Variants in SEC61A2 observed in about 807,000 individuals in gnomAD.
SEC61A2 encodes protein transport protein Sec61 subunit alpha isoform 2.
SEC61A2 carries 28 observed loss-of-function variants against 59.9 expected under a neutral mutation model. That is an observed-to-expected ratio of 0.47 (90% CI 0.35 to 0.64). The LOEUF (loss-of-function observed/expected upper bound fraction) is 0.64, where lower values mean the gene tolerates loss of function less well. Among genes scored for constraint, SEC61A2 ranks in the 30% least tolerant of loss-of-function variants. The probability of loss-of-function intolerance (pLI) is 0.01; values close to 1 mark genes in which losing one functional copy is unlikely to be tolerated. For missense variants in SEC61A2, 340 were observed against 585.9 expected (o/e 0.58, Z 4.33); for synonymous variants, 202 against 214.4 (o/e 0.94, Z 0.50).
At chr10:12,141,909 A>G (rs1191923726) in intron 3 of SEC61A2, among the ~76,000 whole-genome samples, 2 of 152,168 alleles carry the variant, frequency 1.3e-5, no homozygotes, top group Admixed American at 1.3e-4. Flanking sequence ...AAACCAATGA[A>G]TGAGGGAGAC....
chr10:12,166,940 A>AT, downstream of SEC61A2: 1 of 266,254 alleles, frequency 3.8e-6, no homozygotes, highest in South Asian at 3.7e-5. Flanking sequence ...TAACATCAAG[A>AT]TATTACTGCC....
intron 9 of SEC61A2, among the ~76,000 whole-genome samples, chr10:12,159,937 A>G (rs993384718): frequency 6.6e-6 from 1 of 152,204 alleles, no homozygotes; most frequent in Non-Finnish European, 1.5e-5. Context: ...ACAGTAACTC[A>G]TATATTAGTT....
rs1285757190 is a variant in SEC61A2, at chr10:12,140,827, C to T, written c.142-2290C>T. On this transcript the variant is annotated intron_variant, in intron 3 of 11. Transcript: ENST00000298428. ...GTGTTAATCAGGATGATCTCGATTT[C>T]CTGACCTCATGATCCACCCATCTCG... is the stretch of plus-strand genomic sequence containing the variant. Among the ~76,000 whole-genome samples, 3 of 151,988 alleles carry T rather than the reference C, an allele frequency of 2.0e-5. No individual in the cohort carries two copies. In the East Asian group the frequency reaches 5.8e-4, roughly 29 times the overall value.
chr10:12,129,823 C>T lies in SEC61A2; in HGVS notation c.7+29C>T, dbSNP rs149530452. On this transcript the variant is annotated intron_variant, in intron 1 of 11. Transcript: ENST00000298428. This position sits in a 1 kb window ranked among gnomAD's most constrained non-coding sequence, Gnocchi z 5.6. ...AGTAGCGGCGGCTGGAGCGGGGACTCTGGCTGGGAACGCAGGCCCCGCCTG... is the reference window on the plus strand; with the variant it reads ...AGTAGCGGCGGCTGGAGCGGGGACTTTGGCTGGGAACGCAGGCCCCGCCTG... 2.2e-6 allele frequency: 3 copies of T among 1,390,334 alleles called. No homozygotes were observed. The highest frequency in any genetic ancestry group is 3.1e-5 in the South Asian group (2 of 64,968). 86.1% of individuals were successfully genotyped at this position (1,390,334 alleles called of 1,614,324 possible).
chr10:12,160,175 TTG>T lies in SEC61A2; in HGVS notation c.976-751_976-750del, dbSNP rs1834495275. On this transcript the variant is annotated intron_variant, in intron 9 of 11. Coordinates refer to ENST00000298428, the MANE Select transcript of SEC61A2 (RefSeq NM_018144.4). The surrounding 1 kb of genome is among the most constrained non-coding windows in gnomAD (Gnocchi z 4.1). ...CTTTGAGTAGTTGGTCCTGTACAAT[TTG>T]TGTTATGATTTTGAGTAAGATTCTT... Among the ~76,000 whole-genome samples, 1 of 152,162 alleles carries T rather than the reference TTG, an allele frequency of 6.6e-6. No individual in the cohort carries two copies. Among genetic ancestry groups the T allele is most frequent in the South Asian group, 2.1e-4 (1 of 4,836 alleles).
intron 6 of SEC61A2, among the ~76,000 whole-genome samples, 183 bp downstream of exon 6, chr10:12,150,144 GT>G (rs1394026936): frequency 1.1e-4 from 17 of 152,286 alleles, no homozygotes; most frequent in Non-Finnish European, 2.5e-4. Flanking sequence ...ACCGTGACGT[GT>G]TCAAGTTGTG....
chr10:12,153,836 C>T lies in SEC61A2; in HGVS notation c.463-1942C>T, dbSNP rs900131440. 34 of 1,576,076 alleles carry T rather than the reference C, an allele frequency of 2.2e-5. No homozygotes were observed. The highest frequency in any genetic ancestry group is 2.8e-5 in the Non-Finnish European group (33 of 1,160,636). On this transcript the variant is annotated intron_variant, in intron 6 of 11. Coordinates refer to ENST00000298428, the MANE Select transcript of SEC61A2 (RefSeq NM_018144.4). This position sits in a 1 kb window ranked among gnomAD's most constrained non-coding sequence, Gnocchi z 5.2. ...TAGGTTTTGAAAACTGTTTGCATGC[C>T]GTTGTGGAAGGTATTTCTCACCTTA... is the stretch of plus-strand genomic sequence containing the variant.
At chr10:12,148,356 C>T (rs999017973) in intron 4 of SEC61A2, among the ~76,000 whole-genome samples, 2 of 151,278 alleles carry the variant, frequency 1.3e-5, no homozygotes, top group African/African-American at 4.9e-5. Context: ...AGCAATTCAC[C>T]TGCCTCAGCC....
At chr10:12,135,634 A>C (rs1030316944) in intron 2 of SEC61A2, among the ~76,000 whole-genome samples, 2 of 151,712 alleles carry the variant, frequency 1.3e-5, no homozygotes, top group Non-Finnish European at 2.9e-5. Context: ...CCCTTCGGAG[A>C]CTCCACTTCT....
chr10:12,145,397 A>G lies in SEC61A2; in HGVS notation c.220+2202A>G, dbSNP rs1834115750. ...AATTTTTGATAGAGAAAGCTAAATT[A>G]TCTTCCAAAACAGTTGTTTGATTTT... On this transcript the variant is annotated intron_variant, in intron 4 of 11. Coordinates refer to ENST00000298428, the MANE Select transcript of SEC61A2 (RefSeq NM_018144.4). The surrounding 1 kb of genome is among the most constrained non-coding windows in gnomAD (Gnocchi z 4.4). Among the ~76,000 whole-genome samples the G allele has an allele frequency of 6.6e-6, 1 of 152,248 alleles. No homozygotes were observed. Among genetic ancestry groups the G allele is most frequent in the African/African-American group, 2.4e-5 (1 of 41,468 alleles).
chr10:12,156,977 T>C lies in SEC61A2; in HGVS notation c.687T>C (p.Ala229=). ...CCACCAGGACGGACAAAGTCCGAGC[T>C]TTACGGGAGGCTTTTTATCGGCAGA... is the stretch of plus-strand genomic sequence containing the variant. The part of the protein sequence containing the change: ...LLATRTDKVR[A]LREAFYRQNL... Residue 229 remains alanine (A), a synonymous_variant, in exon 8 of 12, where the codon GCT becomes GCC. Transcript: ENST00000298428. The surrounding 1 kb of genome is among the most constrained non-coding windows in gnomAD (Gnocchi z 5.2). 1 of 1,614,082 alleles carries C rather than the reference T, an allele frequency of 6.2e-7. No homozygotes were observed. Among genetic ancestry groups the C allele is most frequent in the Non-Finnish European group, 8.5e-7 (1 of 1,179,932 alleles).
At chr10:12,139,702 T>C (rs1049266633) in intron 3 of SEC61A2, among the ~76,000 whole-genome samples, 1 of 152,266 alleles carries the variant, frequency 6.6e-6, no homozygotes, top group Non-Finnish European at 1.5e-5. Context: ...GAGAATGGCA[T>C]GAACCCAGGA....
chr10:12,153,519 A>G lies in SEC61A2; in HGVS notation c.463-2259A>G, dbSNP rs533559184. Among the ~76,000 whole-genome samples, 13 of 152,346 alleles carry G rather than the reference A, an allele frequency of 8.5e-5. No individual in the cohort carries two copies. The highest frequency in any genetic ancestry group is 3.1e-4 in the African/African-American group (13 of 41,576). On this transcript the variant is annotated intron_variant, in intron 6 of 11. Coordinates refer to ENST00000298428, the MANE Select transcript of SEC61A2 (RefSeq NM_018144.4). This position sits in a 1 kb window ranked among gnomAD's most constrained non-coding sequence, Gnocchi z 5.2. Reference sequence around the variant, plus strand: ...AGTTATGGATTGAAATTGATATAAAATAGAGTTAAGCTATTTTGCTGTTCA... The same window carrying G: ...AGTTATGGATTGAAATTGATATAAAGTAGAGTTAAGCTATTTTGCTGTTCA...
rs966936191 is a variant in SEC61A2 at position 12,155,207 on chromosome 10, T to C, written c.463-571T>C. On this transcript the variant is annotated intron_variant, in intron 6 of 11. Transcript: ENST00000298428. The surrounding 1 kb of genome is among the most constrained non-coding windows in gnomAD (Gnocchi z 4.3). ...TGTATAGAATGCATTTTTACATTGC[T>C]GCTCGAGTACGTATTTGAGTACATA... 9.9e-6 allele frequency: 7 copies of C among 703,546 alleles called. No homozygotes were observed. In the African/African-American group the frequency reaches 1.1e-4, roughly 11 times the overall value. The allele number at this position is 703,546 out of a possible 1,614,324, so 43.6% of individuals were successfully genotyped here.
Position 12,162,200 on chromosome 10 carries a change from T to C in SEC61A2, c.1168-13T>C. On this transcript the variant is annotated splice_polypyrimidine_tract_variant and intron_variant, in intron 10 of 11. Coordinates refer to ENST00000298428, the MANE Select transcript of SEC61A2 (RefSeq NM_018144.4). This position sits in a 1 kb window ranked among gnomAD's most constrained non-coding sequence, Gnocchi z 6.1. The stretch of plus-strand genomic sequence containing the variant: ...TTCCAGTTGGATTTTGAAAGTCGTT[T>C]TTCTCTCGGCAGGTAGCTAAACAGC... The C allele has an allele frequency of 2.5e-6, 4 of 1,612,788 alleles. No homozygotes were observed. The highest frequency in any genetic ancestry group is 3.4e-6 in the Non-Finnish European group (4 of 1,179,046).
At chr10:12,151,727 T>C (rs1834280118) in intron 6 of SEC61A2, among the ~76,000 whole-genome samples, 1 of 152,222 alleles carries the variant, frequency 6.6e-6, no homozygotes, top group Non-Finnish European at 1.5e-5. Context: ...TGTCTCAGAC[T>C]GGCATGGTTG....
In SEC61A2 at chr10:12,145,111, G is replaced by T. The variant is rs1052157668; in HGVS notation, c.220+1916G>T. On this transcript the variant is annotated intron_variant, in intron 4 of 11. Transcript: ENST00000298428. This position sits in a 1 kb window ranked among gnomAD's most constrained non-coding sequence, Gnocchi z 4.4. ...GGAAGAAATGAAAGAAGAGGGAGGAGTGATGGGACCTGATGTTGCAGATGT... is the reference window on the plus strand; with the variant it reads ...GGAAGAAATGAAAGAAGAGGGAGGATTGATGGGACCTGATGTTGCAGATGT... Among the ~76,000 whole-genome samples the T allele has an allele frequency of 6.6e-6, 1 of 151,848 alleles. No individual in the cohort carries two copies. The highest frequency in any genetic ancestry group is 6.6e-5 in the Admixed American group (1 of 15,206).
At position 12,149,550 on chromosome 10, in the gene SEC61A2, T is replaced by G; in HGVS notation, c.221-45T>G. 1 of 1,545,598 alleles carries G rather than the reference T, an allele frequency of 6.5e-7. No homozygotes were observed. Among genetic ancestry groups the G allele is most frequent in the Non-Finnish European group, 8.7e-7 (1 of 1,148,958 alleles). ...TGCGACACCTCTAAATCAGTTTGTA[T>G]CGTGTACAGCAAACATTGCACACTT... is the stretch of plus-strand genomic sequence containing the variant. On this transcript the variant is annotated intron_variant, in intron 4 of 11. Transcript: ENST00000298428. The surrounding 1 kb of genome is among the most constrained non-coding windows in gnomAD (Gnocchi z 5.2).
rs1275468410 is a variant in SEC61A2 at position 12,155,710 on chromosome 10, A to C, written c.463-68A>C. 2 of 1,578,478 alleles carry C rather than the reference A, an allele frequency of 1.3e-6. No homozygotes were observed. Among genetic ancestry groups the C allele is most frequent in the African/African-American group, 2.7e-5 (2 of 74,204 alleles). On this transcript the variant is annotated intron_variant, in intron 6 of 11. Transcript: ENST00000298428. This position sits in a 1 kb window ranked among gnomAD's most constrained non-coding sequence, Gnocchi z 4.3. Reference sequence around the variant, plus strand: ...AACGCCCCTAGCTTGGAAATAGCCAATGGTGTTCCTCTCCCCCTTTCTTGA... The same window carrying C: ...AACGCCCCTAGCTTGGAAATAGCCACTGGTGTTCCTCTCCCCCTTTCTTGA...
Sources: allele counts gnomAD v4.1 joint callset (sites outside exome capture counted in the v4.1 genomes callset), GRCh38; gene constraint gnomAD v4.1.1; non-coding constraint Gnocchi (gnomAD v3.1); transcripts MANE v1.5; gene names NCBI Gene and HGNC (gene_info 2026-07-23, HGNC 2026-07-21).